Variants in SEC14L1 observed in about 807,000 individuals in gnomAD.
The protein encoded by SEC14L1 is SEC14 like lipid binding 1.
In SEC14L1, 48 loss-of-function variants were observed where a neutral mutation model predicts 85.3. The ratio of observed to expected loss-of-function variants is 0.56; its 90% confidence interval spans 0.45 to 0.72. The LOEUF (loss-of-function observed/expected upper bound fraction) is 0.72. Ranked by LOEUF, SEC14L1 falls within the 30% of genes least tolerant of loss-of-function variation. The pLI, the probability that SEC14L1 is intolerant of heterozygous loss-of-function variation, is 0.00. For synonymous variants in SEC14L1, 391 were observed against 355.5 expected, an observed-to-expected ratio of 1.10 and a Z score of -1.12; for missense variants, 682 against 921.4, an observed-to-expected ratio of 0.74 and a Z score of 3.36.
chr17:77,172,080 C>G (rs1974545042), intron 3 of SEC14L1, among the ~76,000 whole-genome samples: 1 of 152,078 alleles, frequency 6.6e-6, no homozygotes, highest in African/African-American at 2.4e-5. Context: ...CTTTAAACCC[C>G]TCTTCTTTTA....
intron 3 of SEC14L1, among the ~76,000 whole-genome samples, chr17:77,120,267 T>G (rs1341706225): frequency 6.6e-6 from 1 of 152,068 alleles, no homozygotes; most frequent in Non-Finnish European, 1.5e-5. Flanking sequence ...GACATGTACA[T>G]CTAGGCATGA....
intron 3 of SEC14L1, among the ~76,000 whole-genome samples, chr17:77,098,454 G>A (rs1056560704): frequency 1.3e-5 from 2 of 151,712 alleles, no homozygotes; most frequent in Non-Finnish European, 2.9e-5. Flanking sequence ...AGCCATCGTC[G>A]TGCCACTGGA....
chr17:77,158,837 A>T, intron 3 of SEC14L1, among the ~76,000 whole-genome samples: 2 of 63,580 alleles, frequency 3.1e-5, no homozygotes, highest in Non-Finnish European at 2.9e-5. Context: ...TTTTTGAGAC[A>T]GTCTCACTCT....
chr17:77,192,826 A>G (rs1035013951), intron 5 of SEC14L1, among the ~76,000 whole-genome samples: 1 of 151,914 alleles, frequency 6.6e-6, no homozygotes, highest in Non-Finnish European at 1.5e-5. Context: ...GTGCCTGGCT[A>G]GTTTTTAAAT....
At chr17:77,149,021 G>T (rs1194098809) in intron 3 of SEC14L1, among the ~76,000 whole-genome samples, 1 of 151,984 alleles carries the variant, frequency 6.6e-6, no homozygotes, top group East Asian at 1.9e-4. Flanking sequence ...TTTCTTTTCA[G>T]ACTTCTTTGC....
At chr17:77,143,449 T>C (rs1179652811) in intron 2 of SEC14L1, 118 bp from the exon 3 acceptor site, 3 of 595,564 alleles carry the variant, frequency 5.0e-6, no homozygotes, top group Non-Finnish European at 6.0e-6. Context: ...GTGCATAGAA[T>C]TATGACCTAT....
chr17:77,213,655 T>A lies in SEC14L1; in HGVS notation c.2042+163T>A. ...TGGGGTCATTTGTTGGCACGGTGAC[T>A]CCCTGCCTGTCTGCAGAGGGAGAGT... On this transcript the variant is annotated intron_variant, in intron 16 of 16. Coordinates refer to ENST00000436233, the MANE Select transcript of SEC14L1 (RefSeq NM_001143998.2). This position sits in a 1 kb window ranked among gnomAD's most constrained non-coding sequence, Gnocchi z 7.1. 1 of 899,328 alleles carries A rather than the reference T, an allele frequency of 1.1e-6. No homozygotes were observed. The highest frequency in any genetic ancestry group is 1.8e-6 in the Non-Finnish European group (1 of 565,244). The allele number at this position is 899,328 out of a possible 1,614,324, so 55.7% of individuals were successfully genotyped here. A position where few individuals can be genotyped will look rare whatever the true frequency, so the allele number is the denominator to read the frequency against.
chr17:77,185,784 T>A (rs1975239455), intron 3 of SEC14L1, among the ~76,000 whole-genome samples: 1 of 152,214 alleles, frequency 6.6e-6, no homozygotes, highest in South Asian at 2.1e-4. Flanking sequence ...CAACCTGTTT[T>A]CCTAGGAATT....
rs570845400 is a variant in SEC14L1 at position 77,215,805 on chromosome 17, G to T, written c.*1782G>T. On this transcript the variant is annotated 3_prime_UTR_variant, in exon 17 of 17. Transcript: ENST00000436233. ...GTAGGGTTCGTAGGTAGGGTTCGTA[G>T]GTAGGGCTGGTAGGTAGGGTTAGTA... 5.2e-6 allele frequency: 5 copies of T among 956,254 alleles called. No homozygotes were observed. In the East Asian group the frequency reaches 5.6e-4, roughly 107 times the overall value. The allele number at this position is 956,254 out of a possible 1,614,324, so 59.2% of individuals were successfully genotyped here.
intron 3 of SEC14L1, among the ~76,000 whole-genome samples, chr17:77,149,350 G>T (rs559516157): frequency 6.6e-6 from 1 of 152,154 alleles, no homozygotes; most frequent in African/African-American, 2.4e-5. Flanking sequence ...TTGTTCACAC[G>T]AACTGTGAGG....
chr17:77,114,128 C>T (rs1009718011), intron 3 of SEC14L1, among the ~76,000 whole-genome samples: 4 of 152,062 alleles, frequency 2.6e-5, no homozygotes, highest in Non-Finnish European at 4.4e-5. Context: ...TCCCCACCTG[C>T]AGCAAGATCA....
intron 3 of SEC14L1, among the ~76,000 whole-genome samples, chr17:77,180,417 G>T (rs2143737560): frequency 6.6e-6 from 1 of 151,398 alleles, no homozygotes; most frequent in South Asian, 2.1e-4. Context: ...TATTGTCATT[G>T]TATTTTCTTG....
At position 77,191,312 on chromosome 17, in the gene SEC14L1, C is replaced by G; in HGVS notation, c.345C>G (p.Thr115=). 1 of 1,613,870 alleles carries G rather than the reference C, an allele frequency of 6.2e-7. No individual in the cohort carries two copies. The highest frequency in any genetic ancestry group is 8.5e-7 in the Non-Finnish European group (1 of 1,179,870). Residue 115 remains threonine (T), a splice_region_variant and synonymous_variant, in exon 5 of 17, where the codon ACC becomes ACG. Coordinates refer to ENST00000436233, the MANE Select transcript of SEC14L1 (RefSeq NM_001143998.2). ...TCATTAATGAGCATTGCTGCTACAC[C>G]GTGAGTAATCTGTCACTCGGCGGAA... The part of the protein sequence containing the change: ...RVIINEHCCY[T]VHPENEDWTC...
At chr17:77,094,948 G>A (rs984224316) in intron 3 of SEC14L1, 13 of 152,116 alleles carry the variant, frequency 8.5e-5, no homozygotes, top group African/African-American at 3.1e-4. Flanking sequence ...AAAAAAAAGT[G>A]TATATTGACA....
In SEC14L1 at chr17:77,143,669, T is replaced by C; in HGVS notation, c.63+10T>C. 6.3e-7 allele frequency: 1 copy of C among 1,588,690 alleles called. No individual in the cohort carries two copies. The highest frequency in any genetic ancestry group is 8.6e-7 in the Non-Finnish European group (1 of 1,157,248). On this transcript the variant is annotated intron_variant, in intron 3 of 16. Transcript: ENST00000436233. ...TGAATTAATTATGGCTGTAAGTACT[T>C]GACATTTCAATTTACTCTTTGGCTT...
At chr17:77,163,590 C>G (rs1228379419) in intron 3 of SEC14L1, among the ~76,000 whole-genome samples, 1 of 152,166 alleles carries the variant, frequency 6.6e-6, no homozygotes, top group Non-Finnish European at 1.5e-5. Context: ...CAGAGAGTCC[C>G]TCAGACTTTT....
Position 77,213,255 on chromosome 17 carries a change from T to C in SEC14L1, c.1864-59T>C. The C allele has an allele frequency of 1.4e-6, 2 of 1,457,986 alleles. No homozygotes were observed. Among genetic ancestry groups the C allele is most frequent in the Non-Finnish European group, 1.9e-6 (2 of 1,071,000 alleles). 90.3% of individuals were successfully genotyped at this position (1,457,986 alleles called of 1,614,324 possible). A position where few individuals can be genotyped will look rare whatever the true frequency, so the allele number is the denominator to read the frequency against. Reference sequence around the variant, plus strand: ...GTCCCCTTGGCGCTTGTCAGGCCTGTGGTAGGCCAGGGGTCGGAAGCGAGT... The same window carrying C: ...GTCCCCTTGGCGCTTGTCAGGCCTGCGGTAGGCCAGGGGTCGGAAGCGAGT... On this transcript the variant is annotated intron_variant, in intron 15 of 16. Coordinates refer to ENST00000436233, the MANE Select transcript of SEC14L1 (RefSeq NM_001143998.2). This position sits in a 1 kb window ranked among gnomAD's most constrained non-coding sequence, Gnocchi z 7.1.
At chr17:77,164,447 C>A (rs1974201890) in intron 3 of SEC14L1, among the ~76,000 whole-genome samples, 1 of 152,192 alleles carries the variant, frequency 6.6e-6, no homozygotes, top group South Asian at 2.1e-4. Context: ...CTGGTGTGAT[C>A]CGTCTCCCTG....
At chr17:77,145,501 TAAG>T (rs1262594676) in intron 3 of SEC14L1, among the ~76,000 whole-genome samples, 3 of 152,182 alleles carry the variant, frequency 2.0e-5, no homozygotes, top group Non-Finnish European at 4.4e-5. Context: ...GTCTGTGTGT[TAAG>T]AAGTTACGTG....
Sources: gnomAD v4.1 joint callset for allele counts (sites outside exome capture counted in the v4.1 genomes callset) on GRCh38, gnomAD v4.1.1 for gene constraint, Gnocchi (gnomAD v3.1) non-coding constraint, MANE v1.5 for transcripts, NCBI Gene and HGNC (gene_info 2026-07-23, HGNC 2026-07-21) for gene names.